Variants in PAK5 observed in about 807,000 individuals in gnomAD.
The protein encoded by PAK5 is serine/threonine-protein kinase PAK 5.
Under a neutral mutation model 65.9 loss-of-function variants are expected in PAK5, and 16 were observed. The observed-to-expected ratio is 0.24, with a 90% CI of 0.16 to 0.37. PAK5 has a LOEUF of 0.37. Among genes scored for constraint, PAK5 ranks in the 10% least tolerant of loss-of-function variants. PAK5 has a pLI of 1.00. For synonymous variants in PAK5, 371 were observed against 354.9 expected (o/e 1.05, Z -0.51); for missense variants, 785 against 903.9 (o/e 0.87, Z 1.69).
intron 1 of PAK5, among the ~76,000 whole-genome samples, chr20:9,832,291 G>C (rs1186344884): frequency 6.6e-6 from 1 of 151,490 alleles, no homozygotes; most frequent in Non-Finnish European, 1.5e-5. Context: ...TTTTTTAATG[G>C]TGACAGAGTA....
intron 1 of PAK5, among the ~76,000 whole-genome samples, chr20:9,750,898 A>G (rs1476359968): frequency 6.6e-6 from 1 of 152,170 alleles, no homozygotes; most frequent in Non-Finnish European, 1.5e-5. Context: ...ATTATAGTCT[A>G]GAGTAGGTTT....
rs115607915 is a variant in PAK5, at chr20:9,683,583, C to T, written c.-12+27703G>A. Among the ~76,000 whole-genome samples, 852 of 152,232 alleles carry T rather than the reference C, an allele frequency of 5.6e-3. 11 individuals carry two copies. Among genetic ancestry groups the T allele is most frequent in the African/African-American group, 0.019 (806 of 41,522 alleles). ...TATAAAGTTGTGACCAAATCCTTTC[C>T]CTGTTTATCCTGGGCATATAGTGGA... is the stretch of plus-strand genomic sequence containing the variant. On this transcript the variant is annotated intron_variant, in intron 2 of 9. Transcript: ENST00000353224.
At chr20:9,780,007 T>C (rs1252371534) in intron 1 of PAK5, among the ~76,000 whole-genome samples, 1 of 152,068 alleles carries the variant, frequency 6.6e-6, no homozygotes, top group Non-Finnish European at 1.5e-5. Flanking sequence ...CTCCCAACTC[T>C]CAATAACAAC....
intron 3 of PAK5, among the ~76,000 whole-genome samples, chr20:9,586,325 T>C (rs966030747): frequency 6.6e-6 from 1 of 152,172 alleles, no homozygotes; most frequent in Non-Finnish European, 1.5e-5. Context: ...CTTTGGAAGT[T>C]ACAGGTCCCT....
chr20:9,758,004 A>C (rs79468490), intron 1 of PAK5, among the ~76,000 whole-genome samples: 6,935 of 152,216 alleles, frequency 0.046, 524 homozygotes, highest in African/African-American at 0.16. Context: ...TTGGTATATA[A>C]ATAACAGGAT....
At chr20:9,697,595 AT>A (rs1003562796) in intron 2 of PAK5, among the ~76,000 whole-genome samples, 8 of 152,082 alleles carry the variant, frequency 5.3e-5, no homozygotes, top group African/African-American at 1.9e-4. Context: ...GATGTCTTTC[AT>A]TTACTAATTT....
At chr20:9,774,679 A>G (rs1177250010) in intron 1 of PAK5, among the ~76,000 whole-genome samples, 1 of 152,198 alleles carries the variant, frequency 6.6e-6, no homozygotes, top group African/African-American at 2.4e-5. Flanking sequence ...AGCAAAAAAG[A>G]ACTACTCACT....
At chr20:9,669,951 G>A (rs1291784775) in intron 2 of PAK5, among the ~76,000 whole-genome samples, 2 of 151,812 alleles carry the variant, frequency 1.3e-5, no homozygotes, top group Admixed American at 1.3e-4. Flanking sequence ...AGTCCCCAGA[G>A]TGTGATGTTC....
chr20:9,718,566 A>G lies in PAK5; in HGVS notation c.-161-7131T>C, dbSNP rs149652372. On this transcript the variant is annotated intron_variant, in intron 1 of 9. Coordinates refer to ENST00000353224, the MANE Select transcript of PAK5 (RefSeq NM_177990.4). ...TTGAGTTCTAGCCAAATAAACTCCA[A>G]TGGGTTGCAAAATCATGAAAGATGC... Among the ~76,000 whole-genome samples the G allele has an allele frequency of 8.8e-4, 134 of 152,270 alleles. 3 individuals carry two copies. In the East Asian group the frequency reaches 0.023, roughly 26 times the overall value.
In PAK5 at chr20:9,808,568, T is replaced by C. The variant is rs563442137; in HGVS notation, c.-162+30194A>G. On this transcript the variant is annotated intron_variant, in intron 1 of 9. Coordinates refer to ENST00000353224, the MANE Select transcript of PAK5 (RefSeq NM_177990.4). ...CAGAAAGGGATGAAATACTGATCCATGCTAGAACATGGATGAACCTTGAAA... is the reference window on the plus strand; with the variant it reads ...CAGAAAGGGATGAAATACTGATCCACGCTAGAACATGGATGAACCTTGAAA... Among the ~76,000 whole-genome samples, 11 of 152,330 alleles carry C rather than the reference T, an allele frequency of 7.2e-5. No homozygotes were observed. The East Asian group carries it at 2.1e-3, about 29-fold the overall frequency.
At chr20:9,605,894 C>T (rs1039664754) in intron 3 of PAK5, among the ~76,000 whole-genome samples, 7 of 152,104 alleles carry the variant, frequency 4.6e-5, no homozygotes, top group African/African-American at 1.7e-4. Context: ...GGCGCTACTG[C>T]ACTCCAGCCT....
intron 3 of PAK5, among the ~76,000 whole-genome samples, chr20:9,642,546 T>G (rs918811161): frequency 5.9e-5 from 9 of 152,244 alleles, no homozygotes; most frequent in Non-Finnish European, 1.3e-4. Context: ...TTGTAAAAAC[T>G]TGGGATATAA....
chr20:9,813,747 T>C (rs912842276), intron 1 of PAK5, among the ~76,000 whole-genome samples: 10 of 152,152 alleles, frequency 6.6e-5, no homozygotes, highest in African/African-American at 2.2e-4. Context: ...ATGAGGACTT[T>C]ATGATTCCAA....
intron 1 of PAK5, among the ~76,000 whole-genome samples, chr20:9,713,836 T>C (rs1199577104): frequency 6.6e-6 from 1 of 151,912 alleles, no homozygotes; most frequent in Admixed American, 6.6e-5. Context: ...AGAATAATGG[T>C]TTCCAGAGAC....
At chr20:9,719,515 A>G (rs936232111) in intron 1 of PAK5, among the ~76,000 whole-genome samples, 1 of 152,054 alleles carries the variant, frequency 6.6e-6, no homozygotes, top group African/African-American at 2.4e-5. Flanking sequence ...CTATACTATT[A>G]TCACATTACT....
intron 3 of PAK5, among the ~76,000 whole-genome samples, chr20:9,601,103 T>C: frequency 6.6e-6 from 1 of 152,170 alleles, no homozygotes. Flanking sequence ...GATAGAGGTG[T>C]ATATTGTACA....
intron 3 of PAK5, among the ~76,000 whole-genome samples, chr20:9,623,375 C>T (rs1448466354): frequency 6.6e-6 from 1 of 151,704 alleles, no homozygotes. Flanking sequence ...GAATGAAAAG[C>T]AACATGATCA....
At chr20:9,603,802 C>G (rs530672128) in intron 3 of PAK5, among the ~76,000 whole-genome samples, 1 of 152,216 alleles carries the variant, frequency 6.6e-6, no homozygotes, top group East Asian at 1.9e-4. Context: ...CTATTATCCC[C>G]ATTTTACAGG....
chr20:9,793,559 C>T (rs574568392), intron 1 of PAK5, among the ~76,000 whole-genome samples: 9 of 151,250 alleles, frequency 6.0e-5, no homozygotes, highest in African/African-American at 2.2e-4. Flanking sequence ...TTTATGTGGC[C>T]AATAAACATA....
Sources: gnomAD v4.1 joint callset for allele counts (sites outside exome capture counted in the v4.1 genomes callset) on GRCh38, gnomAD v4.1.1 for gene constraint, MANE v1.5 for transcripts, NCBI Gene and HGNC (gene_info 2026-07-23, HGNC 2026-07-21) for gene names.